Variants in UNC79 observed in about 807,000 individuals in gnomAD.
UNC79 encodes unc-79 subunit of NALCN channel complex.
UNC79 carries 37 observed loss-of-function variants against 283.1 expected under a neutral mutation model. The observed-to-expected ratio is 0.13, with a 90% CI of 0.10 to 0.17. The LOEUF is 0.17. Among genes scored for constraint, UNC79 ranks in the 10% least tolerant of loss-of-function variants. The pLI is 1.00. For synonymous variants in UNC79, 1,107 were observed against 1,200.2 expected, an observed-to-expected ratio of 0.92 and a Z score of 1.61; for missense variants, 2,272 against 3,211.1, an observed-to-expected ratio of 0.71 and a Z score of 7.07.
At chr14:93,362,410 G>A (rs974656231) in intron 1 of UNC79, among the ~76,000 whole-genome samples, 4 of 151,924 alleles carry the variant, frequency 2.6e-5, no homozygotes, top group African/African-American at 4.8e-5. Flanking sequence ...GTGCAATGGC[G>A]CTATCTTGGC....
At chr14:93,658,750 G>C (rs2071222850) in intron 38 of UNC79, among the ~76,000 whole-genome samples, 1 of 151,994 alleles carries the variant, frequency 6.6e-6, no homozygotes. Context: ...GATCTAAGTA[G>C]TTTTTTTCCC....
chr14:93,559,777 C>G (rs567304366), intron 14 of UNC79, among the ~76,000 whole-genome samples: 467 of 152,272 alleles, frequency 3.1e-3, no homozygotes, highest in Non-Finnish European at 5.7e-3. Flanking sequence ...TTCGGGCCAT[C>G]TGGACATATC....
At chr14:93,505,715 CTTTTT>C (rs996701974) in intron 7 of UNC79, among the ~76,000 whole-genome samples, 5 of 150,028 alleles carry the variant, frequency 3.3e-5, no homozygotes, top group Admixed American at 2.0e-4. Flanking sequence ...CTTCTTTTTT[CTTTTT>C]TCTCTCTCTC....
intron 45 of UNC79, chr14:93,691,461 A>C: frequency 3.9e-6 from 2 of 515,832 alleles, no homozygotes; most frequent in Non-Finnish European, 3.5e-6. Context: ...AGGGATGGGA[A>C]TGTCAGTTTC....
chr14:93,405,451 A>G (rs9323890), intron 1 of UNC79, among the ~76,000 whole-genome samples: 82,335 of 151,954 alleles, frequency 0.54, 22,894 homozygotes, highest in Admixed American at 0.65. Context: ...TAAGTCAAGC[A>G]TATAAAAAAT....
At chr14:93,404,034 TAAGA>T (rs1325055782) in intron 1 of UNC79, among the ~76,000 whole-genome samples, 1 of 152,008 alleles carries the variant, frequency 6.6e-6, no homozygotes, top group Non-Finnish European at 1.5e-5. Flanking sequence ...TATACTTCAG[TAAGA>T]AAGAAAAGTA....
chr14:93,390,109 A>G (rs1412617886), intron 1 of UNC79, among the ~76,000 whole-genome samples: 1 of 152,252 alleles, frequency 6.6e-6, no homozygotes, highest in Non-Finnish European at 1.5e-5. Flanking sequence ...TGAGAAGATA[A>G]TGTGTGAGAA....
At chr14:93,417,164 T>G (rs7157795) in intron 1 of UNC79, among the ~76,000 whole-genome samples, 4 of 151,572 alleles carry the variant, frequency 2.6e-5, no homozygotes, top group Non-Finnish European at 2.9e-5. Context: ...TGGTACCGGT[T>G]GTTCCTTTCC....
chr14:93,397,664 TAGTG>T (rs572222514), intron 1 of UNC79, among the ~76,000 whole-genome samples: 83 of 152,136 alleles, frequency 5.5e-4, no homozygotes, highest in Admixed American at 1.6e-3. Context: ...CTGGGCAACA[TAGTG>T]AGATTCTGTT....
intron 22 of UNC79, among the ~76,000 whole-genome samples, chr14:93,592,176 T>C (rs1378281282): frequency 7.0e-6 from 1 of 143,532 alleles, no homozygotes; most frequent in Non-Finnish European, 1.5e-5. Flanking sequence ...CTTTTCCTTT[T>C]TTTTTTTTTT....
chr14:93,372,045 C>G (rs903693979), intron 1 of UNC79, among the ~76,000 whole-genome samples: 3 of 152,054 alleles, frequency 2.0e-5, no homozygotes, highest in Non-Finnish European at 2.9e-5. Context: ...ACCTGCCTTG[C>G]AAGAGAAGTT....
At chr14:93,706,651 C>G in intron 48 of UNC79, 53 bp from the exon 52 acceptor site, 1 of 1,606,314 alleles carries the variant, frequency 6.2e-7, no homozygotes, top group Non-Finnish European at 8.5e-7. Flanking sequence ...TCGACACTCC[C>G]TGGGTTGCCC....
intron 17 of UNC79, 134 bp downstream of exon 17, chr14:93,575,332 T>A: frequency 1.0e-6 from 1 of 990,636 alleles, no homozygotes; most frequent in Non-Finnish European, 1.5e-6. Flanking sequence ...GTTCATCTTT[T>A]AAGTGCATTA....
intron 27 of UNC79, among the ~76,000 whole-genome samples, chr14:93,614,145 TG>T (rs1383271568): frequency 9.9e-5 from 15 of 152,250 alleles, no homozygotes; most frequent in Non-Finnish European, 1.2e-4. Flanking sequence ...TTTTAACAGT[TG>T]TAAGTGTACA....
intron 24 of UNC79, among the ~76,000 whole-genome samples, chr14:93,598,365 C>CGT (rs71301930): frequency 0.16 from 9,926 of 63,886 alleles, 365 homozygotes; most frequent in African/African-American, 0.18. Context: ...TATTGCATAA[C>CGT]GTGTGTGTGT....
intron 1 of UNC79, among the ~76,000 whole-genome samples, chr14:93,436,072 G>C (rs375243605): frequency 5.9e-4 from 90 of 152,232 alleles, no homozygotes; most frequent in African/African-American, 2.0e-3. Context: ...GCAATCCCTT[G>C]TCCAGTGCAT....
chr14:93,404,493 A>AAAAAAAAAAAAAAAATATATATATAT, intron 1 of UNC79, among the ~76,000 whole-genome samples: 10 of 61,498 alleles, frequency 1.6e-4, no homozygotes, highest in Admixed American at 7.1e-4. Flanking sequence ...TTCTAAAAAA[A>AAAAAAAAAAAAAAAATATATATATAT]ATATATATAT....
chr14:93,602,270 A>G (rs939728273), intron 25 of UNC79, among the ~76,000 whole-genome samples: 2 of 152,050 alleles, frequency 1.3e-5, no homozygotes, highest in African/African-American at 4.8e-5. Flanking sequence ...TCTTGAGTTG[A>G]TTTTTGTATA....
In UNC79 at chr14:93,535,436, C is replaced by T. The variant is rs570760066; in HGVS notation, c.1123-2553C>T. On this transcript the variant is annotated intron_variant, in intron 11 of 48. Coordinates refer to ENST00000555664, the Ensembl canonical transcript of UNC79. ...CAGATATTATCATATGCAGTGTATC[C>T]AGATACTCCATAAGAAATTGCTCAA... Among the ~76,000 whole-genome samples the T allele has an allele frequency of 2.6e-5, 4 of 152,218 alleles. No homozygotes were observed. The East Asian group carries it at 7.7e-4, about 29-fold the overall frequency.
Sources: gnomAD v4.1 joint callset for allele counts (sites outside exome capture counted in the v4.1 genomes callset) on GRCh38, gnomAD v4.1.1 for gene constraint, MANE v1.5 for transcripts, NCBI Gene and HGNC (gene_info 2026-07-23, HGNC 2026-07-21) for gene names.